Variants in BCO1 observed in about 807,000 individuals in gnomAD.
BCO1 encodes the protein beta-carotene oxygenase 1.
A neutral mutation model predicts 56.3 loss-of-function variants in BCO1; 54 were observed. The ratio of observed to expected loss-of-function variants is 0.96; its 90% CI spans 0.77 to 1.20. The LOEUF is 1.20. BCO1 is among the 50% of genes most tolerant of loss of function. The probability of loss-of-function intolerance (pLI) is 0.00; values close to 1 mark genes in which losing one functional copy is unlikely to be tolerated. For missense variants in BCO1, 801 were observed against 690.9 expected, an observed-to-expected ratio of 1.16 and a Z score of -1.79; for synonymous variants, 318 against 266.1, an observed-to-expected ratio of 1.20 and a Z score of -1.90.
At chr16:81,283,454 G>A (rs916966124) in intron 8 of BCO1, among the ~76,000 whole-genome samples, 3 of 152,000 alleles carry the variant, frequency 2.0e-5, no homozygotes, top group South Asian at 2.1e-4. Flanking sequence ...AAAATTAGCC[G>A]GGGGTAGTGG....
chr16:81,254,041 A>G (rs1328658059), intron 2 of BCO1, among the ~76,000 whole-genome samples: 4 of 152,190 alleles, frequency 2.6e-5, no homozygotes, highest in African/African-American at 9.7e-5. Flanking sequence ...TAAAGGCTAG[A>G]TGATTGTCTC....
At chr16:81,255,125 C>G (rs74029094) in intron 2 of BCO1, among the ~76,000 whole-genome samples, 4,040 of 152,256 alleles carry the variant, frequency 0.027, 200 homozygotes, top group African/African-American at 0.093. Flanking sequence ...GCGTGGGTAG[C>G]TCCCCTTTGT....
chr16:81,267,843 G>A, intron 5 of BCO1, 65 bp from the exon 6 acceptor site: 1 of 1,347,358 alleles, frequency 7.4e-7, no homozygotes, highest in African/African-American at 1.4e-5. Flanking sequence ...AGGTGATGGT[G>A]GTGTGGTCTT....
In BCO1 at chr16:81,254,295, A is replaced by ATTTT. The variant is rs57961725; in HGVS notation, c.194-5357_194-5354dup. 5.1e-3 allele frequency among the ~76,000 whole-genome samples: 396 copies of ATTTT among 78,278 alleles called. 24 individuals carry two copies. Among genetic ancestry groups the ATTTT allele is most frequent in the African/African-American group, 0.021 (357 of 17,324 alleles). The allele number at this position is 78,278 out of a possible 152,430, so 51.4% of individuals were successfully genotyped here. A position where few individuals can be genotyped will look rare whatever the true frequency, so the allele number is the denominator to read the frequency against. On this transcript the variant is annotated intron_variant, in intron 2 of 10. Transcript: ENST00000258168. ...GGGTGCGTGCCACCACGCCCGGCTA[A>ATTTT]TTTTTTTTTTTTTTTTTTTTTTTTT...
chr16:81,289,037 A>C (rs1235197202), intron 10 of BCO1, among the ~76,000 whole-genome samples: 1 of 152,180 alleles, frequency 6.6e-6, no homozygotes, highest in African/African-American at 2.4e-5. Context: ...CTCTGTGAGG[A>C]GGGAGTATCG....
chr16:81,256,886 A>C (rs1460809424), intron 2 of BCO1, among the ~76,000 whole-genome samples: 1 of 150,912 alleles, frequency 6.6e-6, no homozygotes, highest in African/African-American at 2.5e-5. Flanking sequence ...ACTCCATCTC[A>C]AAAAAAGAAA....
At chr16:81,261,488 G>A (rs1009477701) in intron 3 of BCO1, among the ~76,000 whole-genome samples, 2 of 152,182 alleles carry the variant, frequency 1.3e-5, no homozygotes, top group African/African-American at 4.8e-5. Flanking sequence ...GGCTTTGGGA[G>A]CCGTTACGGG....
intron 7 of BCO1, among the ~76,000 whole-genome samples, chr16:81,278,235 T>C (rs1907671558): frequency 6.6e-6 from 1 of 151,896 alleles, no homozygotes; most frequent in African/African-American, 2.4e-5. Flanking sequence ...AGAGATGGGG[T>C]TTCACCATGT....
chr16:81,278,622 T>C (rs1185833216), intron 7 of BCO1, among the ~76,000 whole-genome samples: 1 of 152,150 alleles, frequency 6.6e-6, no homozygotes, highest in Non-Finnish European at 1.5e-5. Context: ...TCAGGGCCAG[T>C]GCCTTGGAGA....
chr16:81,274,071 A>G (rs1907401034), intron 7 of BCO1, among the ~76,000 whole-genome samples: 1 of 152,172 alleles, frequency 6.6e-6, no homozygotes, highest in African/African-American at 2.4e-5. Flanking sequence ...TCCTGGTTCC[A>G]GGAAGTACTG....
At chr16:81,249,477 T>C (rs150339254) in intron 2 of BCO1, among the ~76,000 whole-genome samples, 41 of 152,266 alleles carry the variant, frequency 2.7e-4, no homozygotes, top group South Asian at 2.1e-3. Flanking sequence ...AGGATGGTCT[T>C]GATCTCCTGA....
intron 2 of BCO1, 78 bp downstream of exon 2, chr16:81,245,681 ATTC>A: frequency 6.3e-7 from 1 of 1,584,262 alleles, no homozygotes; most frequent in Admixed American, 1.7e-5. Flanking sequence ...GCACAAATTT[ATTC>A]TTTTAGGGAT....
intron 3 of BCO1, chr16:81,261,917 A>T (rs768162311): frequency 2.8e-5 from 13 of 468,808 alleles, no homozygotes; most frequent in Non-Finnish European, 4.3e-5. Context: ...GATTTTTTGT[A>T]TTTTTTAGTA....
intron 2 of BCO1, among the ~76,000 whole-genome samples, chr16:81,251,852 G>GCA (rs747747653): frequency 1.3e-3 from 178 of 140,836 alleles, no homozygotes; most frequent in Middle Eastern, 7.5e-3. Flanking sequence ...ACACACACAC[G>GCA]CACACACACA....
In BCO1 at chr16:81,264,714, A is replaced by C. The variant is rs764781169; in HGVS notation, c.546A>C (p.Leu182=). Residue 182 remains leucine (L), a synonymous_variant, in exon 5 of 11, where the codon CTA becomes CTC. Coordinates refer to ENST00000258168, the MANE Select transcript of BCO1 (RefSeq NM_017429.3). ...ATTATGATGAGGCTGGAAATGTTCT[A>C]AACATGGGCACATCCATTGTGGAAA... The part of the protein sequence containing the change: ...HPHYDEAGNV[L]NMGTSIVEKG... 1 of 1,614,088 alleles carries C rather than the reference A, an allele frequency of 6.2e-7. No individual in the cohort carries two copies. Among genetic ancestry groups the C allele is most frequent in the African/African-American group, 1.3e-5 (1 of 74,940 alleles).
rs1243509436 is a variant in BCO1, at chr16:81,290,719, C to CT, written c.*144dup. On this transcript the variant is annotated 3_prime_UTR_variant, in exon 11 of 11. Coordinates refer to ENST00000258168, the MANE Select transcript of BCO1 (RefSeq NM_017429.3). ...CTTTGACAAGGGCATGGCAAGAGAG[C>CT]TTGTCAGTATCATTTCTTTCATTTT... The CT allele has an allele frequency of 1.5e-6, 1 of 651,448 alleles. No homozygotes were observed. The highest frequency in any genetic ancestry group is 1.8e-5 in the African/African-American group (1 of 55,034). 40.4% of individuals were successfully genotyped at this position (651,448 alleles called of 1,614,324 possible).
rs1256645306 is a variant in BCO1 at position 81,268,137 on chromosome 16, G to T, written c.843+6G>T. 1.2e-6 allele frequency: 2 copies of T among 1,605,528 alleles called. No homozygotes were observed. Among genetic ancestry groups the T allele is most frequent in the African/African-American group, 1.3e-5 (1 of 75,030 alleles). On this transcript the variant is annotated splice_donor_region_variant and intron_variant, in intron 6 of 10. Coordinates refer to ENST00000258168, the MANE Select transcript of BCO1 (RefSeq NM_017429.3). The stretch of plus-strand genomic sequence containing the variant: ...CTTTCCACAGGGAGGAGAAGGTGAG[G>T]TCTGGCTGGACTCTAGCCCAGTGGG...
intron 9 of BCO1, among the ~76,000 whole-genome samples, chr16:81,286,321 C>T (rs1047586638): frequency 6.6e-6 from 1 of 151,860 alleles, no homozygotes; most frequent in South Asian, 2.1e-4. Flanking sequence ...TTTTAAAATG[C>T]AAACAGAGCA....
intron 2 of BCO1, among the ~76,000 whole-genome samples, chr16:81,252,085 G>C (rs905194107): frequency 1.1e-4 from 16 of 152,168 alleles, no homozygotes; most frequent in African/African-American, 3.9e-4. Flanking sequence ...TCCAGGGTCA[G>C]CCTTGAGTAA....
Sources: allele counts gnomAD v4.1 joint callset (sites outside exome capture counted in the v4.1 genomes callset), GRCh38; gene constraint gnomAD v4.1.1; transcripts MANE v1.5; gene names NCBI Gene and HGNC (gene_info 2026-07-23, HGNC 2026-07-21).